BMPR1B: variants seen among roughly 807,000 people sequenced by gnomAD.
The protein encoded by BMPR1B is bone morphogenetic protein receptor type 1B.
Under a neutral mutation model 59.1 loss-of-function variants are expected in BMPR1B, and 12 were observed. The ratio of observed to expected loss-of-function variants is 0.20; its 90% CI spans 0.13 to 0.33. The LOEUF (loss-of-function observed/expected upper bound fraction) is 0.33, where lower values mean the gene tolerates loss of function less well. BMPR1B is among the 10% of genes least tolerant of loss of function. The pLI, the probability that BMPR1B is intolerant of heterozygous loss-of-function variation, is 1.00. For missense variants in BMPR1B, 550 were observed against 610.9 expected (o/e 0.90, Z 1.05); for synonymous variants, 237 against 207.3 (o/e 1.14, Z -1.23).
intron 2 of BMPR1B, among the ~76,000 whole-genome samples, chr4:94,913,714 G>C (rs1412398634): frequency 6.6e-6 from 1 of 151,672 alleles, no homozygotes; most frequent in Non-Finnish European, 1.5e-5. Flanking sequence ...GTGGATGAGG[G>C]GTACAAAAAG....
At chr4:94,894,111 G>A (rs190085791) in intron 2 of BMPR1B, among the ~76,000 whole-genome samples, 1 of 152,006 alleles carries the variant, frequency 6.6e-6, no homozygotes, top group Admixed American at 6.6e-5. Context: ...CCCATAGGAA[G>A]GATAGTGAAA....
At chr4:94,775,520 TAAAA>T (rs1722333226) in intron 1 of BMPR1B, among the ~76,000 whole-genome samples, 1 of 152,182 alleles carries the variant, frequency 6.6e-6, no homozygotes, top group South Asian at 2.1e-4. Flanking sequence ...TGCTTGCTTC[TAAAA>T]AAAAGTTTAG....
chr4:94,883,712 A>C (rs1423569516), intron 2 of BMPR1B, among the ~76,000 whole-genome samples: 1 of 152,162 alleles, frequency 6.6e-6, no homozygotes, highest in African/African-American at 2.4e-5. Context: ...TATGTCAATA[A>C]ATTGCATCAA....
At chr4:94,973,538 A>T (rs560109888) in intron 2 of BMPR1B, among the ~76,000 whole-genome samples, 1 of 152,290 alleles carries the variant, frequency 6.6e-6, no homozygotes, top group East Asian at 1.9e-4. Flanking sequence ...CTTCTCTTTG[A>T]TGTCCTACCA....
chr4:95,064,324 G>A (rs761113591), intron 3 of BMPR1B, among the ~76,000 whole-genome samples: 16 of 152,162 alleles, frequency 1.1e-4, no homozygotes, highest in African/African-American at 3.6e-4. Flanking sequence ...GAGCATTATC[G>A]CCTGAGTTGT....
intron 3 of BMPR1B, among the ~76,000 whole-genome samples, chr4:95,052,773 T>C (rs896942221): frequency 6.6e-6 from 1 of 152,200 alleles, no homozygotes; most frequent in Non-Finnish European, 1.5e-5. Flanking sequence ...TTTTTACTTA[T>C]ACCGTATACA....
At chr4:95,092,978 C>T (rs564274561) in intron 3 of BMPR1B, among the ~76,000 whole-genome samples, 1 of 152,252 alleles carries the variant, frequency 6.6e-6, no homozygotes, top group African/African-American at 2.4e-5. Context: ...GCTTGGAAAT[C>T]TGCCAAGTTC....
At chr4:94,764,704 C>G (rs1261588808) in intron 1 of BMPR1B, among the ~76,000 whole-genome samples, 2 of 152,146 alleles carry the variant, frequency 1.3e-5, no homozygotes, top group Non-Finnish European at 1.5e-5. Context: ...AACCTAAATT[C>G]TTATATAAAT....
chr4:94,796,599 ATTAT>A (rs1483557685), intron 1 of BMPR1B, among the ~76,000 whole-genome samples: 3 of 152,126 alleles, frequency 2.0e-5, no homozygotes, highest in Admixed American at 6.6e-5. Context: ...AATAAGAGAA[ATTAT>A]TTAAGTATTT....
intron 1 of BMPR1B, among the ~76,000 whole-genome samples, chr4:94,769,074 A>G (rs1319592521): frequency 6.6e-6 from 1 of 152,226 alleles, no homozygotes; most frequent in East Asian, 1.9e-4. Flanking sequence ...TTCTTCAAAC[A>G]TACTTGCATG....
rs1204287776 is a variant in BMPR1B, at chr4:95,135,589, A to C, written c.1076+4077A>C. Among the ~76,000 whole-genome samples the C allele has an allele frequency of 2.6e-5, 4 of 152,064 alleles. No homozygotes were observed. In the East Asian group the frequency reaches 7.7e-4, roughly 29 times the overall value. ...AAGAGGTCCTTCACATCCCTTGTAA[A>C]TTGGATTCCTAGGTATTTTATTCTC... On this transcript the variant is annotated intron_variant, in intron 10 of 12. Transcript: ENST00000515059.
chr4:94,845,928 A>G (rs1486530643), intron 1 of BMPR1B, among the ~76,000 whole-genome samples: 3 of 152,180 alleles, frequency 2.0e-5, no homozygotes, highest in African/African-American at 7.2e-5. Context: ...TTCCTTAGTA[A>G]TCTGTGTTAA....
At chr4:94,947,388 T>A (rs1729758319) in intron 2 of BMPR1B, among the ~76,000 whole-genome samples, 1 of 152,218 alleles carries the variant, frequency 6.6e-6, no homozygotes, top group South Asian at 2.1e-4. Context: ...AGCGAAAGAC[T>A]GGATAGTGTG....
At chr4:95,018,262 T>C (rs899508644) in intron 3 of BMPR1B, among the ~76,000 whole-genome samples, 25 of 152,328 alleles carry the variant, frequency 1.6e-4, no homozygotes, top group African/African-American at 5.8e-4. Context: ...TCCAGAATAA[T>C]GTTGCTGTCA....
chr4:94,821,352 A>T (rs1209423351), intron 1 of BMPR1B, among the ~76,000 whole-genome samples: 1 of 152,164 alleles, frequency 6.6e-6, no homozygotes, highest in Non-Finnish European at 1.5e-5. Context: ...TACTAACAAA[A>T]AGTGTTTAAT....
chr4:95,035,729 G>A (rs184339614), intron 3 of BMPR1B, among the ~76,000 whole-genome samples: 4 of 152,210 alleles, frequency 2.6e-5, no homozygotes. Context: ...CTCCAGATTT[G>A]TTCTTTTTTC....
chr4:94,876,039 T>C (rs1044141982), intron 2 of BMPR1B, 139 bp downstream of exon 2: 1 of 152,636 alleles, frequency 6.6e-6, no homozygotes, highest in Non-Finnish European at 1.5e-5. Context: ...CTACAATTGT[T>C]CCTTTAGTTA....
chr4:94,946,475 G>A (rs937778726), intron 2 of BMPR1B, among the ~76,000 whole-genome samples: 4 of 152,156 alleles, frequency 2.6e-5, no homozygotes, highest in African/African-American at 9.7e-5. Context: ...GTAAAAAACT[G>A]CTTTGGGGAA....
chr4:94,981,800 A>G (rs901692182), intron 2 of BMPR1B, among the ~76,000 whole-genome samples: 15 of 152,228 alleles, frequency 9.9e-5, no homozygotes, highest in African/African-American at 2.9e-4. Flanking sequence ...ATGTAAACCC[A>G]TGATGATTCT....
Sources: allele counts gnomAD v4.1 joint callset (sites outside exome capture counted in the v4.1 genomes callset), GRCh38; gene constraint gnomAD v4.1.1; transcripts MANE v1.5; gene names NCBI Gene and HGNC (gene_info 2026-07-23, HGNC 2026-07-21).